Variants in CDHR2 observed in about 807,000 individuals in gnomAD.
CDHR2 encodes the protein cadherin related family member 2.
Under a neutral mutation model 138.6 loss-of-function variants are expected in CDHR2, and 104 were observed. That is an observed-to-expected ratio of 0.75 (90% CI 0.64 to 0.88). The LOEUF (loss-of-function observed/expected upper bound fraction) is 0.88. Among genes scored for constraint, CDHR2 ranks in the 40% least tolerant of loss-of-function variants. CDHR2 has a pLI of 0.00. For synonymous variants in CDHR2, 755 were observed against 742.8 expected (o/e 1.02, Z -0.27); for missense variants, 1,624 against 1,727.6 (o/e 0.94, Z 1.06).
chr5:176,550,972 G>A (rs1757690658), intron 1 of CDHR2, among the ~76,000 whole-genome samples: 1 of 152,202 alleles, frequency 6.6e-6, no homozygotes, highest in Admixed American at 6.5e-5. Flanking sequence ...GGGGGCCAGA[G>A]TCTCCCTGAT....
chr5:176,542,515 G>C (rs565501028), exon 1 of CDHR2: 5 of 152,194 alleles, frequency 3.3e-5, no homozygotes, highest in Admixed American at 2.0e-4. Flanking sequence ...TTCTGCAAAG[G>C]GGGCAGGAAC....
At position 176,575,435 on chromosome 5, in the gene CDHR2, G is replaced by C. The variant is rs751985605; in HGVS notation, c.768+9G>C. Reference sequence around the variant, plus strand: ...CTGAGGATGCAGCCAAGGTGCACGGGGGACCTGTGGGGTGTGGGTGGAGGC... The same window carrying C: ...CTGAGGATGCAGCCAAGGTGCACGGCGGACCTGTGGGGTGTGGGTGGAGGC... On this transcript the variant is annotated intron_variant, in intron 9 of 31. Coordinates refer to ENST00000261944, the MANE Select transcript of CDHR2 (RefSeq NM_017675.6). The C allele has an allele frequency of 6.2e-7, 1 of 1,614,240 alleles. No homozygotes were observed. The highest frequency in any genetic ancestry group is 1.1e-5 in the South Asian group (1 of 91,084).
At chr5:176,561,194 G>C (rs976220312) in intron 1 of CDHR2, among the ~76,000 whole-genome samples, 4 of 152,230 alleles carry the variant, frequency 2.6e-5, no homozygotes, top group African/African-American at 9.6e-5. Flanking sequence ...TGTAGGTGCT[G>C]TTATTATTCC....
chr5:176,550,074 GT>G (rs1210730563), intron 1 of CDHR2, among the ~76,000 whole-genome samples: 1 of 152,198 alleles, frequency 6.6e-6, no homozygotes, highest in Non-Finnish European at 1.5e-5. Flanking sequence ...CCAGCTGAGA[GT>G]CGGGGCCATG....
At position 176,584,687 on chromosome 5, in the gene CDHR2, C is replaced by T. The variant is rs754340040; in HGVS notation, c.2406C>T (p.Asn802=). The T allele has an allele frequency of 3.7e-5, 59 of 1,614,008 alleles. No homozygotes were observed. Among genetic ancestry groups the T allele is most frequent in the Middle Eastern group, 3.3e-4 (2 of 6,084 alleles). Residue 802 remains asparagine (N), a synonymous_variant, in exon 19 of 32, where the codon AAC becomes AAT. Transcript: ENST00000261944. ...VDVCVNVKDV[N]DNPPTLDVAS... Reference sequence around the variant, plus strand: ...TCTGCGTGAATGTGAAAGACGTGAACGACAATCCCCCCACCCTGGATGTAG... The same window carrying T: ...TCTGCGTGAATGTGAAAGACGTGAATGACAATCCCCCCACCCTGGATGTAG...
intron 17 of CDHR2, 35 bp from the exon 18 acceptor site, chr5:176,584,155 G>A: frequency 7.6e-6 from 12 of 1,587,526 alleles, no homozygotes; most frequent in Non-Finnish European, 1.0e-5. Flanking sequence ...GGGTGAGATT[G>A]GATCCCGGGG....
chr5:176,577,950 C>A, intron 14 of CDHR2, 84 bp from the exon 15 acceptor site: 1 of 1,512,148 alleles, frequency 6.6e-7, no homozygotes, highest in Non-Finnish European at 9.1e-7. Flanking sequence ...TGAGGAAGCA[C>A]GACAGCTCTG....
rs775512595 is a variant in CDHR2 at position 176,578,433 on chromosome 5, G to A, written c.1643G>A (p.Arg548Gln). 1.3e-5 allele frequency: 21 copies of A among 1,613,908 alleles called. No homozygotes were observed. The highest frequency in any genetic ancestry group is 1.6e-4 in the Middle Eastern group (1 of 6,084). The change falls in exon 16 of 32, where the codon CGG becomes CAG. Residue 548 changes from arginine to glutamine, a missense_variant. By Grantham distance (43) the Arg-to-Gln change is conservative. Coordinates refer to ENST00000261944, the MANE Select transcript of CDHR2 (RefSeq NM_017675.6). ...GTGAGGAACGGTGAGCTGCTGGACC[G>A]GGAGAGCCAGGCCGTGTACTACCTG... ...VTVRNGELLD[R>Q]ESQAVYYLTL...
At chr5:176,581,680 G>A (rs1758538065) in intron 17 of CDHR2, 98 bp downstream of exon 17, 1 of 1,501,818 alleles carries the variant, frequency 6.7e-7, no homozygotes, top group African/African-American at 1.4e-5. Flanking sequence ...CAGCCAGCCT[G>A]CCTGGGTTAC....
chr5:176,552,492 G>T (rs917392374), intron 1 of CDHR2, among the ~76,000 whole-genome samples: 2 of 152,362 alleles, frequency 1.3e-5, no homozygotes, highest in Non-Finnish European at 2.9e-5. Context: ...CGCCTGTCAG[G>T]CTGAGGGGCA....
At chr5:176,579,632 C>T (rs911935042) in intron 16 of CDHR2, among the ~76,000 whole-genome samples, 1 of 152,146 alleles carries the variant, frequency 6.6e-6, no homozygotes, top group Non-Finnish European at 1.5e-5. Context: ...CAGGATGAGG[C>T]TTTTGGAAAA....
chr5:176,590,750 G>C, intron 28 of CDHR2, 63 bp downstream of exon 28: 1 of 1,606,076 alleles, frequency 6.2e-7, no homozygotes. Flanking sequence ...AAGACGTCGG[G>C]GGGTAGGGGT....
In CDHR2 at chr5:176,584,486, G is replaced by A. The variant is rs140901428; in HGVS notation, c.2205G>A (p.Ser735=). 1,155 of 1,612,910 alleles carry A rather than the reference G, an allele frequency of 7.2e-4. 3 individuals are homozygous for A. The highest frequency in any genetic ancestry group is 8.5e-4 in the Non-Finnish European group (1,006 of 1,179,414). The change falls in exon 19 of 32, where the codon TCG becomes TCA. Residue 735 remains serine (S), a synonymous_variant. Transcript: ENST00000261944. ...EANNRISFSL[S]GSGANYFMIR... is the part of the protein sequence containing the mutation. ...ACAACCGCATCAGCTTCAGCCTGTC[G>A]GGGAGTGGTGCCAACTACTTCATGA...
chr5:176,578,126 G>C, intron 15 of CDHR2, 31 bp downstream of exon 15: 1 of 1,589,108 alleles, frequency 6.3e-7, no homozygotes, highest in East Asian at 2.3e-5. Flanking sequence ...GTAGGCAGGT[G>C]GGTGAGCAGG....
intron 12 of CDHR2, 36 bp from the exon 13 acceptor site, chr5:176,577,363 G>A (rs1433698605): frequency 1.3e-6 from 2 of 1,584,832 alleles, no homozygotes; most frequent in Admixed American, 1.8e-5. Context: ...GGCAGAGCAG[G>A]GGGACAGGTC....
chr5:176,549,702 A>T (rs1561863596), intron 1 of CDHR2, among the ~76,000 whole-genome samples: 1 of 152,074 alleles, frequency 6.6e-6, no homozygotes, highest in Non-Finnish European at 1.5e-5. Flanking sequence ...GGAGGCAGGC[A>T]CCCCAGGGAA....
chr5:176,565,727 T>C lies in CDHR2; in HGVS notation c.108T>C (p.Pro36=), dbSNP rs1384559661. 1 of 1,613,752 alleles carries C rather than the reference T, an allele frequency of 6.2e-7. No homozygotes were observed. Among genetic ancestry groups the C allele is most frequent in the African/African-American group, 1.3e-5 (1 of 74,920 alleles). Residue 36 remains proline, a synonymous_variant, in exon 3 of 32, where the codon CCT becomes CCC. Transcript: ENST00000261944. ...CCAACATGACGTCAGTGATCCTGCC[T>C]GAGGACCTGCCTGTGGGTGAGTCCC... The part of the protein sequence containing the change: ...FLANMTSVIL[P]EDLPVGAQAF...
rs1433047055 is a variant in CDHR2, at chr5:176,590,071, T to C, written c.3207-7T>C. 6.2e-7 allele frequency: 1 copy of C among 1,613,104 alleles called. No individual in the cohort carries two copies. Among genetic ancestry groups the C allele is most frequent in the South Asian group, 1.1e-5 (1 of 91,066 alleles). On this transcript the variant is annotated splice_polypyrimidine_tract_variant and splice_region_variant and intron_variant, in intron 24 of 31. Transcript: ENST00000261944. Reference sequence around the variant, plus strand: ...CCAGGCCTCTGTGACATCTGCCTTCTTTGCAGGGCTCTTACCCAGGCAACC... The same window carrying C: ...CCAGGCCTCTGTGACATCTGCCTTCCTTGCAGGGCTCTTACCCAGGCAACC...
upstream of CDHR2, among the ~76,000 whole-genome samples, chr5:176,545,924 G>A (rs187804407): frequency 3.5e-3 from 540 of 152,366 alleles, 3 homozygotes; most frequent in African/African-American, 0.012. Flanking sequence ...ATCGTGATGG[G>A]TCCAAAGGTC....
Sources: allele counts gnomAD v4.1 joint callset (sites outside exome capture counted in the v4.1 genomes callset), GRCh38; gene constraint gnomAD v4.1.1; transcripts MANE v1.5; gene names NCBI Gene and HGNC (gene_info 2026-07-23, HGNC 2026-07-21).